Variants in ABL2 observed in about 807,000 individuals in gnomAD.
The protein encoded by ABL2 is tyrosine-protein kinase ABL2.
A neutral mutation model predicts 107.7 loss-of-function variants in ABL2; 49 were observed. The ratio of observed to expected loss-of-function variants is 0.45; its 90% CI spans 0.36 to 0.58. The LOEUF (loss-of-function observed/expected upper bound fraction) is 0.58. Ranked by LOEUF, ABL2 falls within the 20% of genes least tolerant of loss-of-function variation. The probability of loss-of-function intolerance (pLI) is 0.00; values close to 1 mark genes in which losing one functional copy is unlikely to be tolerated. For synonymous variants in ABL2, 549 were observed against 548.6 expected (o/e 1.00, Z -0.01); for missense variants, 1,245 against 1,457.0 (o/e 0.85, Z 2.37).
intron 1 of ABL2, among the ~76,000 whole-genome samples, chr1:179,138,497 G>C (rs1285376478): frequency 1.3e-5 from 2 of 152,190 alleles, no homozygotes; most frequent in Non-Finnish European, 2.9e-5. Context: ...AGAATATAAA[G>C]ATGAGAAATC....
chr1:179,215,732 T>G (rs1571335017), intron 1 of ABL2, among the ~76,000 whole-genome samples: 1 of 150,774 alleles, frequency 6.6e-6, no homozygotes, highest in South Asian at 2.1e-4. Context: ...AATTTCAAAA[T>G]GAGTAAAAGA....
chr1:179,162,928 A>G (rs1004118791), intron 1 of ABL2, among the ~76,000 whole-genome samples: 1 of 152,196 alleles, frequency 6.6e-6, no homozygotes, highest in African/African-American at 2.4e-5. Flanking sequence ...TCTTTTTAAT[A>G]AGAAAAAAAT....
At position 179,176,315 on chromosome 1, in the gene ABL2, A is replaced by C. The variant is rs563909872; in HGVS notation, c.158-42941T>G. On this transcript the variant is annotated intron_variant, in intron 1 of 11. Transcript: ENST00000502732. ...CTAGTTAATAATAATTTAACCATAC[A>C]TTTTGAAATAACTAAAAGAGTATAA... 1.6e-4 allele frequency among the ~76,000 whole-genome samples: 24 copies of C among 152,294 alleles called. No individual in the cohort carries two copies. In the South Asian group the frequency reaches 3.7e-3, roughly 24 times the overall value.
chr1:179,156,175 A>G (rs1658676969), intron 1 of ABL2, among the ~76,000 whole-genome samples: 1 of 152,198 alleles, frequency 6.6e-6, no homozygotes, highest in Non-Finnish European at 1.5e-5. Context: ...TCCAATATTT[A>G]TGAAGAGGTA....
chr1:179,131,322 C>A lies in ABL2; in HGVS notation c.380G>T (p.Ser127Ile), dbSNP rs147306941. The change falls in exon 3 of 12, where the codon AGC becomes ATC. Residue 127 changes from serine (S) to isoleucine (I), a missense_variant. Around this residue, in one of 3 missense-constraint regions of ABL2, gnomAD observed 320 missense variants for 547.0 expected, o/e 0.59. Transcript: ENST00000502732. ...DFVASGDNTL[S>I]ITKGEKLRVL... ...CATAGAAGCCTCACCTTTAGTGATGCTGAGTGTGTTATCACCACTTGCTAC... is the reference window on the plus strand; with the variant it reads ...CATAGAAGCCTCACCTTTAGTGATGATGAGTGTGTTATCACCACTTGCTAC... 6.2e-7 allele frequency: 1 copy of A among 1,613,756 alleles called. No individual in the cohort carries two copies. The highest frequency in any genetic ancestry group is 8.5e-7 in the Non-Finnish European group (1 of 1,179,732).
At chr1:179,117,170 C>A (rs530308704) in intron 8 of ABL2, 162 bp downstream of exon 8, 90 of 746,038 alleles carry the variant, frequency 1.2e-4, no homozygotes, top group Non-Finnish European at 1.9e-4. Flanking sequence ...TAACACAGTC[C>A]TGGCAGATAG....
chr1:179,173,203 AC>A (rs1434909774), intron 1 of ABL2, among the ~76,000 whole-genome samples: 1 of 150,424 alleles, frequency 6.6e-6, no homozygotes, highest in Non-Finnish European at 1.5e-5. Context: ...AAAAAAAAAA[AC>A]AACAACAGAA....
intron 1 of ABL2, among the ~76,000 whole-genome samples, chr1:179,135,460 G>A (rs1158393730): frequency 6.2e-5 from 9 of 146,096 alleles, no homozygotes; most frequent in East Asian, 2.1e-4. Flanking sequence ...CCTGGCAACC[G>A]CCCCGTCTGA....
At chr1:179,171,569 T>A (rs1402630501) in intron 1 of ABL2, among the ~76,000 whole-genome samples, 1 of 152,302 alleles carries the variant, frequency 6.6e-6, no homozygotes, top group East Asian at 1.9e-4. Context: ...ATAGCTCAGG[T>A]TGGAGTACAG....
Position 179,229,576 on chromosome 1 carries a change from C to G in ABL2, c.-179G>C. Reference sequence around the variant, plus strand: ...CCTCACGGCAGCCGCCGCGCTGCCTCCAGGCGACTCACAGATTCTGCTTTT... The same window carrying G: ...CCTCACGGCAGCCGCCGCGCTGCCTGCAGGCGACTCACAGATTCTGCTTTT... On this transcript the variant is annotated 5_prime_UTR_variant, in exon 1 of 12. Transcript: ENST00000502732. 3.4e-6 allele frequency: 2 copies of G among 592,672 alleles called. No individual in the cohort carries two copies. Among genetic ancestry groups the G allele is most frequent in the Non-Finnish European group, 5.4e-6 (2 of 370,230 alleles). 36.7% of individuals were successfully genotyped at this position (592,672 alleles called of 1,614,324 possible). A position where few individuals can be genotyped will look rare whatever the true frequency, so the allele number is the denominator to read the frequency against.
At chr1:179,122,896 G>C (rs1445066749) in intron 4 of ABL2, among the ~76,000 whole-genome samples, 1 of 152,076 alleles carries the variant, frequency 6.6e-6, no homozygotes, top group Non-Finnish European at 1.5e-5. Flanking sequence ...CTAACCTCAA[G>C]TGATCTGCCT....
chr1:179,124,955 C>T (rs1655603532), intron 4 of ABL2, among the ~76,000 whole-genome samples: 1 of 152,160 alleles, frequency 6.6e-6, no homozygotes. Context: ...AACTCTAGAA[C>T]ATTCTCATTA....
At chr1:179,203,141 G>C (rs1200344523) in intron 1 of ABL2, among the ~76,000 whole-genome samples, 2 of 152,072 alleles carry the variant, frequency 1.3e-5, no homozygotes, top group Non-Finnish European at 2.9e-5. Flanking sequence ...TTTGTAAAAA[G>C]AACAAATCAT....
intron 1 of ABL2, among the ~76,000 whole-genome samples, chr1:179,173,089 C>T (rs1659819629): frequency 6.6e-6 from 1 of 151,236 alleles, no homozygotes; most frequent in African/African-American, 2.4e-5. Context: ...ACCCAGGAGG[C>T]TTAGGCAGGA....
intron 1 of ABL2, among the ~76,000 whole-genome samples, chr1:179,191,905 G>T (rs1661040432): frequency 6.6e-6 from 1 of 152,116 alleles, no homozygotes; most frequent in African/African-American, 2.4e-5. Context: ...CAATCAATTG[G>T]AAACTGTCAT....
intron 1 of ABL2, among the ~76,000 whole-genome samples, chr1:179,174,525 T>A (rs1339552907): frequency 6.6e-6 from 1 of 152,078 alleles, no homozygotes; most frequent in African/African-American, 2.4e-5. Flanking sequence ...CTTTGAAATA[T>A]ATATATGTGT....
intron 1 of ABL2, among the ~76,000 whole-genome samples, chr1:179,207,792 A>G (rs1662060733): frequency 6.6e-6 from 1 of 152,214 alleles, no homozygotes; most frequent in African/African-American, 2.4e-5. Flanking sequence ...CAGAGGATCT[A>G]AACCCACACA....
chr1:179,229,170 G>GGCCCCCCCCCCCCCCCCCC, intron 1 of ABL2, 71 bp downstream of exon 1: 2 of 266,256 alleles, frequency 7.5e-6, no homozygotes, highest in Non-Finnish European at 6.8e-6. Flanking sequence ...CAGCCCGTCC[G>GGCCCCCCCCCCCCCCCCCC]CCACCCACCC....
Position 179,126,604 on chromosome 1 carries a change from G to T in ABL2, c.460C>A (p.Gln154Lys), listed in dbSNP as rs1245007526. 6.2e-7 allele frequency: 1 copy of T among 1,614,000 alleles called. No homozygotes were observed. Among genetic ancestry groups the T allele is most frequent in the South Asian group, 1.1e-5 (1 of 91,074 alleles). ...ATGTAGTTGCTTGGCACCCAGCCCTGCCCATTCTTAGAGCGAACTTCACTC... is the reference window on the plus strand; with the variant it reads ...ATGTAGTTGCTTGGCACCCAGCCCTTCCCATTCTTAGAGCGAACTTCACTC... ...EWSEVRSKNGQGWVPSNYITP... is the reference protein window; with the variant it reads ...EWSEVRSKNGKGWVPSNYITP... The change falls in exon 4 of 12, where the codon CAG becomes AAG. Residue 154 changes from glutamine to lysine, a missense_variant. Transcript: ENST00000502732. This position sits in a 1 kb window ranked among gnomAD's most constrained non-coding sequence, Gnocchi z 4.4.
Sources: allele counts gnomAD v4.1 joint callset (sites outside exome capture counted in the v4.1 genomes callset), GRCh38; gene constraint gnomAD v4.1.1; regional missense constraint gnomAD v4.1.1; non-coding constraint Gnocchi (gnomAD v3.1); transcripts MANE v1.5; gene names NCBI Gene and HGNC (gene_info 2026-07-23, HGNC 2026-07-21).